Variants in CAMK2B observed in about 807,000 individuals in gnomAD.
CAMK2B encodes the protein calcium/calmodulin dependent protein kinase II beta, also known as calcium/calmodulin-dependent protein kinase type II subunit beta.
A neutral mutation model predicts 93.7 loss-of-function variants in CAMK2B; 27 were observed. The ratio of observed to expected loss-of-function variants is 0.29; its 90% CI spans 0.21 to 0.40. The LOEUF (loss-of-function observed/expected upper bound fraction) is 0.40, where lower values mean the gene tolerates loss of function less well. CAMK2B is among the 10% of genes least tolerant of loss of function. The pLI, the probability that CAMK2B is intolerant of heterozygous loss-of-function variation, is 1.00. For synonymous variants in CAMK2B, 374 were observed against 358.8 expected (o/e 1.04, Z -0.48); for missense variants, 568 against 895.8 (o/e 0.63, Z 4.67).
intron 5 of CAMK2B, 59 bp from the exon 6 acceptor site, chr7:44,247,251 A>G (rs2128987006): frequency 7.0e-7 from 1 of 1,437,352 alleles, no homozygotes; most frequent in East Asian, 2.3e-5. Flanking sequence ...AAGAGGAGGC[A>G]CTGGGGGCAG....
chr7:44,289,271 C>T (rs1265274992), intron 1 of CAMK2B, among the ~76,000 whole-genome samples: 2 of 152,234 alleles, frequency 1.3e-5, no homozygotes, highest in African/African-American at 4.8e-5. Context: ...CGCACTGCGG[C>T]CCTCGCCAGC....
At chr7:44,246,889 T>C (rs1249036162) in intron 6 of CAMK2B, among the ~76,000 whole-genome samples, 1 of 151,740 alleles carries the variant, frequency 6.6e-6, no homozygotes, top group Non-Finnish European at 1.5e-5. Flanking sequence ...CACACATGCC[T>C]CCACACATGC....
rs1785250598 is a variant in CAMK2B at position 44,286,784 on chromosome 7, G to T, written c.66-2559C>A. On this transcript the variant is annotated intron_variant, in intron 1 of 23. Coordinates refer to ENST00000395749, the MANE Select transcript of CAMK2B (RefSeq NM_001220.5). The surrounding 1 kb of genome is among the most constrained non-coding windows in gnomAD (Gnocchi z 4.0). ...AGGCGGGGGCAGGGAACACAGGTAA[G>T]ACTGCCAGAGCCAGGGGGCCAAGGC... Among the ~76,000 whole-genome samples the T allele has an allele frequency of 6.6e-6, 1 of 152,220 alleles. No individual in the cohort carries two copies. Among genetic ancestry groups the T allele is most frequent in the South Asian group, 2.1e-4 (1 of 4,834 alleles).
chr7:44,231,237 T>G (rs966708675), intron 16 of CAMK2B, among the ~76,000 whole-genome samples, 183 bp from the exon 17 acceptor site: 1 of 152,238 alleles, frequency 6.6e-6, no homozygotes, highest in Non-Finnish European at 1.5e-5. Flanking sequence ...CTCTGGCGGC[T>G]GCAGGGCCCC....
At chr7:44,226,932 G>A (rs1289288522) in intron 19 of CAMK2B, among the ~76,000 whole-genome samples, 2 of 27,100 alleles carry the variant, frequency 7.4e-5, no homozygotes, top group Admixed American at 3.6e-4. Context: ...GGAGACAGAA[G>A]GGAACGTGGG....
chr7:44,294,085 A>T (rs758318268), intron 1 of CAMK2B, among the ~76,000 whole-genome samples: 2 of 152,108 alleles, frequency 1.3e-5, no homozygotes, highest in Non-Finnish European at 2.9e-5. Context: ...CATCCCCAGG[A>T]AAGCTACTTC....
chr7:44,322,944 T>C (rs1028208068), intron 1 of CAMK2B, among the ~76,000 whole-genome samples: 2 of 152,190 alleles, frequency 1.3e-5, no homozygotes, highest in African/African-American at 4.8e-5. Context: ...ACACCAACTG[T>C]GCCCTGGGCA....
chr7:44,241,841 G>T, intron 10 of CAMK2B, 58 bp from the exon 11 acceptor site: 1 of 1,425,910 alleles, frequency 7.0e-7, no homozygotes, highest in Non-Finnish European at 9.8e-7. Flanking sequence ...GGAGAGGCCA[G>T]GGTGGCAAGG....
chr7:44,263,038 G>C lies in CAMK2B; in HGVS notation c.187C>G (p.Arg63Gly). The change falls in exon 3 of 24, where the codon CGG (arginine) becomes GGG (glycine). Residue 63 changes from arginine (R) to glycine (G), a missense_variant. By Grantham distance (125) the Arg-to-Gly change is moderately radical (BLOSUM62 -2). Transcript: ENST00000395749. ...RDHQKLEREA[R>G]ICRLLKHSNI... ...GAATGCTTCAGAAGGCGGCAGATCC[G>C]AGCCTCTCTCTCCAGCTTCTGGTGA... 1 of 1,613,694 alleles carries C rather than the reference G, an allele frequency of 6.2e-7. No homozygotes were observed. Among genetic ancestry groups the C allele is most frequent in the Non-Finnish European group, 8.5e-7 (1 of 1,179,780 alleles).
Position 44,259,805 on chromosome 7 carries a change from T to G in CAMK2B, c.221-879A>C, listed in dbSNP as rs902141117. 4.6e-5 allele frequency among the ~76,000 whole-genome samples: 7 copies of G among 152,298 alleles called. No homozygotes were observed. In the East Asian group the frequency reaches 1.3e-3, roughly 29 times the overall value. ...GACTCATTTTGGACACTCTCCCACGTGCCGGTTCTGATGATTGCTAGAACA... is the reference window on the plus strand; with the variant it reads ...GACTCATTTTGGACACTCTCCCACGGGCCGGTTCTGATGATTGCTAGAACA... On this transcript the variant is annotated intron_variant, in intron 3 of 23. Coordinates refer to ENST00000395749, the MANE Select transcript of CAMK2B (RefSeq NM_001220.5).
intron 1 of CAMK2B, among the ~76,000 whole-genome samples, chr7:44,319,350 A>C (rs759985650): frequency 6.6e-6 from 1 of 152,192 alleles, no homozygotes; most frequent in Non-Finnish European, 1.5e-5. Flanking sequence ...AATTACTGTT[A>C]AATTCTAGGG....
At chr7:44,236,680 T>C (rs2096629302) in intron 13 of CAMK2B, among the ~76,000 whole-genome samples, 1 of 152,198 alleles carries the variant, frequency 6.6e-6, no homozygotes, top group African/African-American at 2.4e-5. Flanking sequence ...CCTGAAGACT[T>C]GGAACTCAGG....
chr7:44,237,545 G>A (rs1053196959), intron 13 of CAMK2B, among the ~76,000 whole-genome samples: 1 of 152,186 alleles, frequency 6.6e-6, no homozygotes, highest in Non-Finnish European at 1.5e-5. Flanking sequence ...CGCAGTGTGG[G>A]GTGCATGGGC....
In CAMK2B at chr7:44,261,827, G is replaced by A. The variant is rs561435069; in HGVS notation, c.220+1178C>T. On this transcript the variant is annotated intron_variant, in intron 3 of 23. Coordinates refer to ENST00000395749, the MANE Select transcript of CAMK2B (RefSeq NM_001220.5). The stretch of plus-strand genomic sequence containing the variant: ...ATAACACTGTGGGCAGCATACAGAG[G>A]TGGCAAACAAATAAAGTCCTGGGTT... 2.0e-5 allele frequency among the ~76,000 whole-genome samples: 3 copies of A among 152,322 alleles called. No individual in the cohort carries two copies. The South Asian group carries it at 6.2e-4, about 32-fold the overall frequency.
rs183051993 is a variant in CAMK2B, at chr7:44,270,156, C to A, written c.161-7092G>T. ...CATGGGCCCATCACTGGGGGCCCCC[C>A]ACTAGCACCAGCGCTCTCCACCCAT... On this transcript the variant is annotated intron_variant, in intron 2 of 23. Coordinates refer to ENST00000395749, the MANE Select transcript of CAMK2B (RefSeq NM_001220.5). 3.9e-5 allele frequency among the ~76,000 whole-genome samples: 6 copies of A among 152,150 alleles called. No homozygotes were observed. The East Asian group carries it at 9.7e-4, about 25-fold the overall frequency.
intron 13 of CAMK2B, among the ~76,000 whole-genome samples, chr7:44,237,535 C>T (rs763652988): frequency 4.6e-4 from 70 of 152,234 alleles, no homozygotes; most frequent in South Asian, 1.0e-3. Context: ...ACGCCTTGGG[C>T]GCAGTGTGGG....
chr7:44,268,884 A>G (rs2096944549), intron 2 of CAMK2B: 1 of 152,294 alleles, frequency 6.6e-6, no homozygotes, highest in Non-Finnish European at 1.5e-5. Context: ...CATGCCAGGC[A>G]CCGTCTGTTC....
At chr7:44,296,379 C>T (rs538332999) in intron 1 of CAMK2B, among the ~76,000 whole-genome samples, 1,842 of 151,902 alleles carry the variant, frequency 0.012, 42 homozygotes, top group African/African-American at 0.042. Context: ...ATAGGAACTT[C>T]TAAAACTAAA....
intron 1 of CAMK2B, among the ~76,000 whole-genome samples, chr7:44,310,162 G>A (rs1449732967): frequency 6.6e-6 from 1 of 152,254 alleles, no homozygotes; most frequent in Admixed American, 6.5e-5. Flanking sequence ...TAAAGTACTC[G>A]GGTTTTTGTT....
Sources: gnomAD v4.1 joint callset for allele counts (sites outside exome capture counted in the v4.1 genomes callset) on GRCh38, gnomAD v4.1.1 for gene constraint, Gnocchi (gnomAD v3.1) non-coding constraint, MANE v1.5 for transcripts, NCBI Gene and HGNC (gene_info 2026-07-23, HGNC 2026-07-21) for gene names.